Variants in ULK2 observed in about 807,000 individuals in gnomAD.
ULK2 encodes serine/threonine-protein kinase ULK2.
In ULK2, 76 loss-of-function variants were observed where a neutral mutation model predicts 127.5. The observed-to-expected ratio is 0.60, with a 90% CI of 0.50 to 0.72. The LOEUF is 0.72. Ranked by LOEUF, ULK2 falls within the 30% of genes least tolerant of loss-of-function variation. The probability of loss-of-function intolerance (pLI) is 0.00; values close to 1 mark genes in which losing one functional copy is unlikely to be tolerated. For missense variants in ULK2, 1,144 were observed against 1,295.9 expected, an observed-to-expected ratio of 0.88 and a Z score of 1.80; for synonymous variants, 452 against 461.9, an observed-to-expected ratio of 0.98 and a Z score of 0.28.
rs1459487406 is a variant in ULK2, at chr17:19,867,493, G to C, written c.-76C>G. On this transcript the variant is annotated 5_prime_UTR_variant, in exon 1 of 27. Coordinates refer to ENST00000395544, the MANE Select transcript of ULK2 (RefSeq NM_014683.4). ...CAGGTATCAGCACCGCGGCTCCGCG[G>C]GCCCGGAGCGCGCCAGCGTGCGGCG... The C allele has an allele frequency of 1.7e-6, 2 of 1,172,248 alleles. No individual in the cohort carries two copies. Among genetic ancestry groups the C allele is most frequent in the Non-Finnish European group, 2.3e-6 (2 of 888,398 alleles). 72.6% of individuals were successfully genotyped at this position (1,172,248 alleles called of 1,614,324 possible). A position where few individuals can be genotyped will look rare whatever the true frequency, so the allele number is the denominator to read the frequency against.
At chr17:19,791,947 A>G (rs1023494195) in intron 20 of ULK2, among the ~76,000 whole-genome samples, 1 of 151,968 alleles carries the variant, frequency 6.6e-6, no homozygotes, top group Non-Finnish European at 1.5e-5. Flanking sequence ...GAAACTATAT[A>G]AATACGTGGA....
At chr17:19,817,406 T>TA (rs2041018464) in intron 12 of ULK2, among the ~76,000 whole-genome samples, 2 of 152,112 alleles carry the variant, frequency 1.3e-5, no homozygotes, top group Admixed American at 1.3e-4. Context: ...TGTAAAAAAA[T>TA]AGACAAATCA....
chr17:19,793,658 C>G (rs1446961764), intron 20 of ULK2, among the ~76,000 whole-genome samples: 1 of 152,092 alleles, frequency 6.6e-6, no homozygotes, highest in Non-Finnish European at 1.5e-5. Context: ...GAGACAAAAA[C>G]AAGGATACCA....
chr17:19,784,054 T>C (rs2086976665), intron 21 of ULK2, 149 bp from the exon 22 acceptor site: 3 of 526,324 alleles, frequency 5.7e-6, no homozygotes, highest in South Asian at 2.0e-4. Context: ...TATTTGAGGA[T>C]ATTAATAGTT....
intron 20 of ULK2, among the ~76,000 whole-genome samples, 154 bp from the exon 21 acceptor site, chr17:19,786,240 A>G (rs1202395901): frequency 1.3e-5 from 2 of 151,998 alleles, no homozygotes; most frequent in East Asian, 1.9e-4. Flanking sequence ...TCTTAAAATC[A>G]GAAAACGTAA....
intron 3 of ULK2, among the ~76,000 whole-genome samples, chr17:19,863,194 G>A (rs1046492172): frequency 4.6e-5 from 7 of 151,226 alleles, no homozygotes; most frequent in East Asian, 1.9e-4. Flanking sequence ...CAGCCTGGGC[G>A]ACAAGAGTGA....
Position 19,785,982 on chromosome 17 carries a change from C to T in ULK2, c.2206G>A (p.Ala736Thr). 1 of 1,595,816 alleles carries T rather than the reference C, an allele frequency of 6.3e-7. No individual in the cohort carries two copies. The change falls in exon 21 of 27, where the codon GCC (alanine) becomes ACC (threonine). Residue 736 changes from alanine to threonine, a missense_variant. Transcript: ENST00000395544. ...AGGAACATGTGGGTACAAGTGGGGG[C>T]TGCCGCACTGTGTGGAGGAGACCCT... ...TVGSPPHSAA[A>T]PTCTHMFLRT...
At chr17:19,821,835 G>C (rs1269857668) in intron 12 of ULK2, among the ~76,000 whole-genome samples, 1 of 152,074 alleles carries the variant, frequency 6.6e-6, no homozygotes, top group Non-Finnish European at 1.5e-5. Context: ...GAAGTCAGGG[G>C]CTCAAGCACC....
intron 12 of ULK2, among the ~76,000 whole-genome samples, chr17:19,818,556 GT>G (rs2041052226): frequency 6.6e-6 from 1 of 151,866 alleles, no homozygotes; most frequent in South Asian, 2.1e-4. Context: ...ATTCTTTCTC[GT>G]AACAGTGGAA....
At chr17:19,854,535 T>A (rs780579092) in intron 3 of ULK2, among the ~76,000 whole-genome samples, 2 of 152,162 alleles carry the variant, frequency 1.3e-5, no homozygotes, top group African/African-American at 4.8e-5. Context: ...ACAGAAGACT[T>A]CTTCTGTAGA....
At chr17:19,828,644 A>G (rs894299016) in intron 10 of ULK2, among the ~76,000 whole-genome samples, 2 of 152,238 alleles carry the variant, frequency 1.3e-5, no homozygotes, top group Non-Finnish European at 2.9e-5. Context: ...CACTAAAGAG[A>G]GCAGTAATGG....
At chr17:19,863,937 C>T (rs2042298278) in intron 3 of ULK2, among the ~76,000 whole-genome samples, 1 of 152,080 alleles carries the variant, frequency 6.6e-6, no homozygotes, top group African/African-American at 2.4e-5. Context: ...GGGTGATGAA[C>T]ATGCATAGTG....
chr17:19,803,993 CTT>C (rs1341907221), intron 15 of ULK2, among the ~76,000 whole-genome samples: 1 of 152,144 alleles, frequency 6.6e-6, no homozygotes, highest in Admixed American at 6.5e-5. Flanking sequence ...TACGTGCATA[CTT>C]ATGTCTGCCA....
At chr17:19,832,849 A>T in intron 10 of ULK2, among the ~76,000 whole-genome samples, 1 of 152,150 alleles carries the variant, frequency 6.6e-6, no homozygotes, top group South Asian at 2.1e-4. Context: ...CCGACCAGGC[A>T]TCGTGGCTCA....
At chr17:19,850,777 A>G (rs2041996015) in intron 3 of ULK2, among the ~76,000 whole-genome samples, 1 of 151,976 alleles carries the variant, frequency 6.6e-6, no homozygotes. Flanking sequence ...GTGAGCCGAG[A>G]TCATCGAGAT....
At chr17:19,804,435 T>G (rs2087468277) in intron 15 of ULK2, among the ~76,000 whole-genome samples, 1 of 151,860 alleles carries the variant, frequency 6.6e-6, no homozygotes, top group African/African-American at 2.4e-5. Flanking sequence ...ACATTTTAAG[T>G]ATATATGTCT....
intron 9 of ULK2, chr17:19,839,986 C>A (rs2152396579): frequency 3.5e-6 from 1 of 286,918 alleles, no homozygotes; most frequent in African/African-American, 2.2e-5. Flanking sequence ...CACACACACA[C>A]ACTTCACTAG....
In ULK2 at chr17:19,843,144, G is replaced by A. The variant is rs778811690; in HGVS notation, c.622C>T (p.Leu208=). 1.2e-6 allele frequency: 2 copies of A among 1,613,862 alleles called. No homozygotes were observed. Among genetic ancestry groups the A allele is most frequent in the East Asian group, 2.2e-5 (1 of 44,848 alleles). ...WSIGTVIYQC[L]VGKPPFQANS... is the part of the protein sequence containing the mutation. Reference sequence around the variant, plus strand: ...ACCTGAAAAGGTGGTTTTCCAACTAGGCATTGGTATATCACTGTTCCTATG... The same window carrying A: ...ACCTGAAAAGGTGGTTTTCCAACTAAGCATTGGTATATCACTGTTCCTATG... The change falls in exon 8 of 27, where the codon CTA becomes TTA. Residue 208 remains leucine (L), a synonymous_variant. Coordinates refer to ENST00000395544, the MANE Select transcript of ULK2 (RefSeq NM_014683.4).
At position 19,786,067 on chromosome 17, in the gene ULK2, AC is replaced by A; in HGVS notation, c.2120del (p.Gly707ValfsTer21). 6.4e-7 allele frequency: 1 copy of A among 1,565,486 alleles called. No homozygotes were observed. The highest frequency in any genetic ancestry group is 1.2e-5 in the South Asian group (1 of 83,234). ...TACCTGCAGGAGGTGCCAGAACACC[AC>A]CACAGGCTCCTGCCGGAGCTACAAC... ...PMDIAPAGAC[G>X]GVLAPPAGTA... On this transcript the variant is annotated frameshift_variant, in exon 21 of 27. Coordinates refer to ENST00000395544, the MANE Select transcript of ULK2 (RefSeq NM_014683.4). LOFTEE classifies it high-confidence loss of function.
Sources: allele counts gnomAD v4.1 joint callset (sites outside exome capture counted in the v4.1 genomes callset), GRCh38; gene constraint gnomAD v4.1.1; transcripts MANE v1.5; gene names NCBI Gene and HGNC (gene_info 2026-07-23, HGNC 2026-07-21).